The following EML6 variants were observed in gnomAD, a reference collection of about 807,000 sequenced individuals.
The protein encoded by EML6 is echinoderm microtubule-associated protein-like 6.
A neutral mutation model predicts 240.1 loss-of-function variants in EML6; 154 were observed. The ratio of observed to expected loss-of-function variants is 0.64; its 90% confidence interval spans 0.56 to 0.73. The LOEUF (loss-of-function observed/expected upper bound fraction) is 0.73, where lower values mean the gene tolerates loss of function less well. EML6 is among the 30% of genes least tolerant of loss of function. The pLI, the probability that EML6 is intolerant of heterozygous loss-of-function variation, is 0.00. For synonymous variants in EML6, 1,148 were observed against 899.0 expected, an observed-to-expected ratio of 1.28 and a Z score of -4.95; for missense variants, 2,964 against 2,474.6, an observed-to-expected ratio of 1.20 and a Z score of -4.20.
At chr2:54,932,883 T>C (rs1411136265) in intron 28 of EML6, among the ~76,000 whole-genome samples, 1 of 152,166 alleles carries the variant, frequency 6.6e-6, no homozygotes, top group African/African-American at 2.4e-5. Flanking sequence ...TACATACTGT[T>C]TTTTGATTTA....
chr2:54,744,962 A>ACACACACC (rs1553370078), intron 2 of EML6, among the ~76,000 whole-genome samples: 26 of 85,964 alleles, frequency 3.0e-4, no homozygotes, highest in East Asian at 1.0e-3. Flanking sequence ...ACACACACAC[A>ACACACACC]CCCTGCCATG....
At chr2:54,841,045 C>G (rs548352985) in intron 7 of EML6, among the ~76,000 whole-genome samples, 1 of 152,294 alleles carries the variant, frequency 6.6e-6, no homozygotes, top group South Asian at 2.1e-4. Flanking sequence ...AATATGTTGA[C>G]TCCTGAGTGG....
chr2:54,816,945 G>A (rs368055266), intron 4 of EML6, 60 bp downstream of exon 4: 34 of 1,020,932 alleles, frequency 3.3e-5, no homozygotes, highest in East Asian at 1.8e-4. Flanking sequence ...TTGTGATATC[G>A]CGTCTCAGAC....
rs1677026274 is a variant in EML6, at chr2:54,971,772, A to G, written c.*1677A>G. The G allele has an allele frequency of 6.6e-6, 1 of 152,214 alleles. No homozygotes were observed. The highest frequency in any genetic ancestry group is 1.9e-4 in the East Asian group (1 of 5,200). The allele number at this position is 152,214 out of a possible 1,614,324, so 9.4% of individuals were successfully genotyped here. On this transcript the variant is annotated 3_prime_UTR_variant, in exon 42 of 42. Coordinates refer to ENST00000356458, the MANE Select transcript of EML6 (RefSeq NM_001039753.4). ...GCTGATCGGATCTTGCATTGAAATA[A>G]CCATGTGGAAGAACAATGAATCGAT...
At chr2:54,949,593 C>A (rs1675870321) in intron 29 of EML6, among the ~76,000 whole-genome samples, 1 of 152,166 alleles carries the variant, frequency 6.6e-6, no homozygotes, top group Non-Finnish European at 1.5e-5. Flanking sequence ...CTTCAGACTC[C>A]ACCCTCTCTC....
intron 32 of EML6, 123 bp from the exon 33 acceptor site, chr2:54,957,667 T>C: frequency 6.2e-6 from 5 of 804,096 alleles, no homozygotes; most frequent in Non-Finnish European, 1.0e-5. Context: ...GGGGAGAGAG[T>C]GCTGTAAAGA....
Position 54,774,268 on chromosome 2 carries a change from A to C in EML6, c.198-38964A>C, listed in dbSNP as rs2116439. On this transcript the variant is annotated intron_variant, in intron 2 of 41. Coordinates refer to ENST00000356458, the MANE Select transcript of EML6 (RefSeq NM_001039753.4). The surrounding 1 kb of genome is among the most constrained non-coding windows in gnomAD (Gnocchi z 4.1). ...CAGCTTGCAAAATGTTTATTGGATC[A>C]GTAGTGATGGAAGGGAGGGCAGAGA... 6.6e-6 allele frequency among the ~76,000 whole-genome samples: 1 copy of C among 152,118 alleles called. No individual in the cohort carries two copies. Among genetic ancestry groups the C allele is most frequent in the Non-Finnish European group, 1.5e-5 (1 of 67,990 alleles).
intron 26 of EML6, among the ~76,000 whole-genome samples, chr2:54,917,647 C>T (rs566517636): frequency 6.6e-5 from 10 of 152,322 alleles, no homozygotes; most frequent in African/African-American, 1.9e-4. Context: ...GGGCGTGAGC[C>T]ACTGCGCCTG....
intron 30 of EML6, among the ~76,000 whole-genome samples, chr2:54,951,477 G>A (rs1422126836): frequency 6.6e-6 from 1 of 151,994 alleles, no homozygotes; most frequent in Non-Finnish European, 1.5e-5. Flanking sequence ...CCTGGGAGGT[G>A]GAGGTTGCAG....
chr2:54,791,823 C>G (rs1478367693), intron 2 of EML6, among the ~76,000 whole-genome samples: 1 of 152,186 alleles, frequency 6.6e-6, no homozygotes, highest in Non-Finnish European at 1.5e-5. Flanking sequence ...TGCTCTTGGA[C>G]AAGTCATTTC....
Position 54,725,307 on chromosome 2 carries a change from G to T in EML6, c.197+49G>T. 3 of 1,336,314 alleles carry T rather than the reference G, an allele frequency of 2.2e-6. No individual in the cohort carries two copies. Among genetic ancestry groups the T allele is most frequent in the Non-Finnish European group, 3.0e-6 (3 of 1,016,256 alleles). 82.8% of individuals were successfully genotyped at this position (1,336,314 alleles called of 1,614,324 possible). ...GGGGAGGGGTTGCGTGTGGAGGCTG[G>T]GAAGGTGGGAAGCGGTTGACCTGGG... On this transcript the variant is annotated intron_variant, in intron 2 of 41. Coordinates refer to ENST00000356458, the MANE Select transcript of EML6 (RefSeq NM_001039753.4). This position sits in a 1 kb window ranked among gnomAD's most constrained non-coding sequence, Gnocchi z 4.3.
rs568039272 is a variant in EML6 at position 54,968,390 on chromosome 2, C to T, written c.5751+109C>T. On this transcript the variant is annotated intron_variant, in intron 40 of 41. Coordinates refer to ENST00000356458, the MANE Select transcript of EML6 (RefSeq NM_001039753.4). Reference sequence around the variant, plus strand: ...TGGGAGACACAGAGAAACCCTGTCCCGGTACAGTGGAAATATGGCAATGAG... The same window carrying T: ...TGGGAGACACAGAGAAACCCTGTCCTGGTACAGTGGAAATATGGCAATGAG... 237 of 1,065,022 alleles carry T rather than the reference C, an allele frequency of 2.2e-4. 2 individuals are homozygous for T. In the South Asian group the frequency reaches 3.1e-3, roughly 14 times the overall value. The allele number at this position is 1,065,022 out of a possible 1,614,324, so 66.0% of individuals were successfully genotyped here.
intron 2 of EML6, among the ~76,000 whole-genome samples, chr2:54,809,883 G>A (rs1667744037): frequency 6.6e-6 from 1 of 152,142 alleles, no homozygotes; most frequent in African/African-American, 2.4e-5. Context: ...AGACATGGAT[G>A]CCATTTGGCT....
chr2:54,899,686 C>G lies in EML6; in HGVS notation c.3028C>G (p.Leu1010Val), dbSNP rs1255322920. 6.4e-7 allele frequency: 1 copy of G among 1,553,770 alleles called. No individual in the cohort carries two copies. The highest frequency in any genetic ancestry group is 1.4e-5 in the African/African-American group (1 of 73,108). Residue 1010 changes from leucine to valine, a missense_variant, in exon 22 of 42, where the codon CTG becomes GTG. By Grantham distance (32) the Leu-to-Val change is conservative (BLOSUM62 1). Coordinates refer to ENST00000356458, the MANE Select transcript of EML6 (RefSeq NM_001039753.4). ...GTGGGGGTTGGCAGCTCACCCTCTC[C>G]TGCCCATCTGTGCAACAGTGAGCGA... is the stretch of plus-strand genomic sequence containing the variant. ...EVWGLAAHPL[L>V]PICATVSDDK...
chr2:54,891,090 C>A lies in EML6; in HGVS notation c.2475C>A (p.Asn825Lys). ...HKDKIFVVKC[N>K]PHHVDKLVTV... ...ATAAGATATTTGTGGTAAAGTGTAA[C>A]CCACACCATGTTGACAAACTGGTTA... Residue 825 changes from asparagine (N) to lysine (K), a missense_variant, in exon 18 of 42, where the codon AAC becomes AAA. Physicochemically the swap from Asn to Lys is moderately conservative, Grantham distance 94. Transcript: ENST00000356458. 6.6e-7 allele frequency: 1 copy of A among 1,511,068 alleles called. No homozygotes were observed. 93.6% of individuals were successfully genotyped at this position (1,511,068 alleles called of 1,614,324 possible). A position where few individuals can be genotyped will look rare whatever the true frequency, so the allele number is the denominator to read the frequency against.
Position 54,970,593 on chromosome 2 carries a change from T to G in EML6, c.*498T>G, listed in dbSNP as rs1676947153. 6.4e-6 allele frequency: 1 copy of G among 156,004 alleles called. No individual in the cohort carries two copies. The highest frequency in any genetic ancestry group is 2.4e-5 in the African/African-American group (1 of 41,540). The allele number at this position is 156,004 out of a possible 1,614,324, so 9.7% of individuals were successfully genotyped here. Reference sequence around the variant, plus strand: ...TATCGCTAGCCTCTGTTCTCCAGTTTAGCTTTCAAAACCAAATGAGCCATG... The same window carrying G: ...TATCGCTAGCCTCTGTTCTCCAGTTGAGCTTTCAAAACCAAATGAGCCATG... On this transcript the variant is annotated 3_prime_UTR_variant, in exon 42 of 42. Transcript: ENST00000356458.
intron 2 of EML6, among the ~76,000 whole-genome samples, chr2:54,765,292 T>C (rs1213256849): frequency 6.6e-6 from 1 of 152,190 alleles, no homozygotes; most frequent in Non-Finnish European, 1.5e-5. Flanking sequence ...TTAGTATGGA[T>C]TGACATAATT....
Position 54,753,456 on chromosome 2 carries a change from A to G in EML6, c.197+28198A>G, listed in dbSNP as rs114200452. On this transcript the variant is annotated intron_variant, in intron 2 of 41. Coordinates refer to ENST00000356458, the MANE Select transcript of EML6 (RefSeq NM_001039753.4). The stretch of plus-strand genomic sequence containing the variant: ...GCTCAATGTAATCATAAAGGTCCTT[A>G]TAAGTGAGAGTGACAGGGAGTCAGA... Among the ~76,000 whole-genome samples the G allele has an allele frequency of 5.0e-3, 762 of 152,296 alleles. 3 individuals carry two copies. The highest frequency in any genetic ancestry group is 7.2e-3 in the Non-Finnish European group (488 of 68,016).
chr2:54,803,329 A>G (rs1373159602), intron 2 of EML6, among the ~76,000 whole-genome samples: 1 of 152,218 alleles, frequency 6.6e-6, no homozygotes, highest in African/African-American at 2.4e-5. Flanking sequence ...AGAAAAGAAT[A>G]GGACCTCAAT....
Sources: gnomAD v4.1 joint callset for allele counts (sites outside exome capture counted in the v4.1 genomes callset) on GRCh38, gnomAD v4.1.1 for gene constraint, Gnocchi (gnomAD v3.1) non-coding constraint, MANE v1.5 for transcripts, NCBI Gene and HGNC (gene_info 2026-07-23, HGNC 2026-07-21) for gene names.